Variants in CAMK2D observed in about 807,000 individuals in gnomAD.
CAMK2D encodes the protein calcium/calmodulin-dependent protein kinase type II subunit delta.
Under a neutral mutation model 84.0 loss-of-function variants are expected in CAMK2D, and 37 were observed. That is an observed-to-expected ratio of 0.44 (90% CI 0.34 to 0.58). The LOEUF is 0.58. CAMK2D is among the 20% of genes least tolerant of loss of function. The pLI is 0.02. For synonymous variants in CAMK2D, 202 were observed against 212.5 expected, an observed-to-expected ratio of 0.95 and a Z score of 0.43; for missense variants, 448 against 652.5, an observed-to-expected ratio of 0.69 and a Z score of 3.41.
chr4:113,470,178 T>G (rs571901984), intron 16 of CAMK2D, among the ~76,000 whole-genome samples: 9 of 152,274 alleles, frequency 5.9e-5, no homozygotes, highest in Non-Finnish European at 1.0e-4. Context: ...ACTCTTTGAC[T>G]TTATCTTCTC....
intron 2 of CAMK2D, among the ~76,000 whole-genome samples, chr4:113,662,665 T>G (rs2099239218): frequency 6.6e-6 from 1 of 152,252 alleles, no homozygotes; most frequent in African/African-American, 2.4e-5. Context: ...TTAACACCAC[T>G]GCCTCGATTA....
chr4:113,633,310 A>T (rs1452795238), intron 3 of CAMK2D, among the ~76,000 whole-genome samples: 1 of 152,204 alleles, frequency 6.6e-6, no homozygotes, highest in Non-Finnish European at 1.5e-5. Context: ...AGGCTACCTC[A>T]CCATGGAGTT....
intron 3 of CAMK2D, among the ~76,000 whole-genome samples, chr4:113,655,279 T>C (rs959896489): frequency 5.9e-5 from 9 of 152,074 alleles, no homozygotes; most frequent in African/African-American, 1.4e-4. Flanking sequence ...ATTAACACTA[T>C]GCCTCTTATT....
chr4:113,503,638 G>T (rs1318183518), intron 14 of CAMK2D, among the ~76,000 whole-genome samples: 1 of 152,078 alleles, frequency 6.6e-6, no homozygotes, highest in African/African-American at 2.4e-5. Context: ...GAGGCATACT[G>T]CTATTAAATC....
intron 3 of CAMK2D, among the ~76,000 whole-genome samples, chr4:113,646,209 T>A (rs1251321052): frequency 6.6e-6 from 1 of 152,236 alleles, no homozygotes; most frequent in Non-Finnish European, 1.5e-5. Flanking sequence ...GAAGTGTTTG[T>A]TCCTCTTCAG....
rs112591088 is a variant in CAMK2D at position 113,614,311 on chromosome 4, T to C, written c.221-5105A>G. 5.3e-3 allele frequency among the ~76,000 whole-genome samples: 803 copies of C among 152,280 alleles called. 3 individuals carry two copies. The highest frequency in any genetic ancestry group is 0.016 in the African/African-American group (651 of 41,560). ...TGTTCCTCTTCACTAAAATTTATTA[T>C]GGAGAGGAGGCAGTCAATTACATTG... is the stretch of plus-strand genomic sequence containing the variant. On this transcript the variant is annotated intron_variant, in intron 3 of 20. Coordinates refer to ENST00000511664, the MANE Select transcript of CAMK2D (RefSeq NM_001321571.2).
chr4:113,501,462 A>G (rs1400719677), intron 15 of CAMK2D, among the ~76,000 whole-genome samples: 1 of 152,134 alleles, frequency 6.6e-6, no homozygotes, highest in African/African-American at 2.4e-5. Flanking sequence ...TCAATAGCTC[A>G]GTAATGGAAA....
intron 2 of CAMK2D, among the ~76,000 whole-genome samples, chr4:113,667,736 T>A (rs76291266): frequency 1.3e-5 from 2 of 152,182 alleles, no homozygotes; most frequent in African/African-American, 4.8e-5. Flanking sequence ...TAAAAATTCA[T>A]AATTAAATAT....
intron 2 of CAMK2D, among the ~76,000 whole-genome samples, chr4:113,674,740 C>G (rs1156625652): frequency 6.6e-6 from 1 of 152,048 alleles, no homozygotes; most frequent in African/African-American, 2.4e-5. Context: ...CACAGATATT[C>G]TCAGAGCTTA....
Position 113,608,879 on chromosome 4 carries a change from T to G in CAMK2D, c.275+273A>C, listed in dbSNP as rs2098988219. On this transcript the variant is annotated intron_variant, in intron 4 of 20. Transcript: ENST00000511664. ...AACATTTTTGTGCTACAAGGTAGAA[T>G]TGAGAACCACTCATGACATCACAAC... is the stretch of plus-strand genomic sequence containing the variant. Among the ~76,000 whole-genome samples, 3 of 152,178 alleles carry G rather than the reference T, an allele frequency of 2.0e-5. No individual in the cohort carries two copies. In the South Asian group the frequency reaches 6.2e-4, roughly 32 times the overall value.
chr4:113,601,610 A>T (rs550473491), intron 4 of CAMK2D, among the ~76,000 whole-genome samples: 1 of 151,626 alleles, frequency 6.6e-6, no homozygotes, highest in African/African-American at 2.4e-5. Flanking sequence ...ACAAACAAGA[A>T]ATTTAGTATA....
chr4:113,603,306 C>T (rs1306803651), intron 4 of CAMK2D, among the ~76,000 whole-genome samples: 2 of 150,864 alleles, frequency 1.3e-5, no homozygotes, highest in Admixed American at 1.3e-4. Context: ...TGGTGTGCTG[C>T]ACCCATTAAC....
At chr4:113,611,432 T>C (rs1358647049) in intron 3 of CAMK2D, among the ~76,000 whole-genome samples, 1 of 152,194 alleles carries the variant, frequency 6.6e-6, no homozygotes, top group African/African-American at 2.4e-5. Context: ...TGGGTTCCCA[T>C]GTTATCAAAG....
At chr4:113,591,071 A>T (rs1309800435) in intron 4 of CAMK2D, among the ~76,000 whole-genome samples, 2 of 152,276 alleles carry the variant, frequency 1.3e-5, no homozygotes, top group Non-Finnish European at 1.5e-5. Flanking sequence ...AAAGGGAAGG[A>T]AGGTCTTCTC....
chr4:113,578,360 G>A (rs1214183899), intron 4 of CAMK2D, among the ~76,000 whole-genome samples: 1 of 152,136 alleles, frequency 6.6e-6, no homozygotes, highest in Non-Finnish European at 1.5e-5. Context: ...GAATTGTCAG[G>A]ATTGGGTCAA....
chr4:113,634,083 T>C (rs2099101011), intron 3 of CAMK2D, among the ~76,000 whole-genome samples: 1 of 152,242 alleles, frequency 6.6e-6, no homozygotes, highest in East Asian at 1.9e-4. Flanking sequence ...GATGGCATAG[T>C]CCAATCTGTA....
At chr4:113,531,128 A>G in intron 8 of CAMK2D, 88 bp downstream of exon 8, 1 of 724,696 alleles carries the variant, frequency 1.4e-6, no homozygotes, top group South Asian at 1.6e-5. Context: ...TATTTAACCC[A>G]CTTGGTCTAT....
At chr4:113,658,793 T>C (rs1162639017) in intron 3 of CAMK2D, among the ~76,000 whole-genome samples, 1 of 152,170 alleles carries the variant, frequency 6.6e-6, no homozygotes, top group Non-Finnish European at 1.5e-5. Flanking sequence ...CTATGACTTA[T>C]ACACTGAGAT....
chr4:113,496,885 C>T (rs578232821), intron 16 of CAMK2D, among the ~76,000 whole-genome samples: 7 of 152,296 alleles, frequency 4.6e-5, no homozygotes, highest in Non-Finnish European at 8.8e-5. Context: ...GAGGTCAACA[C>T]TAGGGTGTCA....
Sources: gnomAD v4.1 joint callset for allele counts (sites outside exome capture counted in the v4.1 genomes callset) on GRCh38, gnomAD v4.1.1 for gene constraint, MANE v1.5 for transcripts, NCBI Gene and HGNC (gene_info 2026-07-23, HGNC 2026-07-21) for gene names.